Variants in MTM1 observed in about 807,000 individuals in gnomAD.
The protein encoded by MTM1 is myotubularin.
MTM1 carries 9 observed loss-of-function variants against 52.1 expected under a neutral mutation model. That is an observed-to-expected ratio of 0.17 (90% CI 0.10 to 0.30). MTM1 has a LOEUF of 0.30. MTM1 is among the 10% of genes least tolerant of loss of function. The pLI is 1.00. For synonymous variants in MTM1, 136 were observed against 163.8 expected (o/e 0.83, Z 1.29); for missense variants, 277 against 470.7 (o/e 0.59, Z 3.81).
chrX:150,638,868 G>T, intron 6 of MTM1, 75 bp from the exon 7 acceptor site: 1 of 793,209 alleles, frequency 1.3e-6, no homozygotes, highest in South Asian at 2.1e-5. Context: ...TTTATTTTGC[G>T]AGAAATCAAA....
chrX:150,672,719 C>T lies in MTM1; in HGVS notation c.*1124C>T, dbSNP rs782316625. On this transcript the variant is annotated 3_prime_UTR_variant, in exon 15 of 15. Coordinates refer to ENST00000370396, the MANE Select transcript of MTM1 (RefSeq NM_000252.3). The stretch of plus-strand genomic sequence containing the variant: ...AATTTTAAATGCACAGTTCTATTTG[C>T]TATCTGAACTAATTCATTTATTAAG... The T allele has an allele frequency of 8.9e-6, 1 of 112,087 alleles. No individual in the cohort carries two copies. Among genetic ancestry groups the T allele is most frequent in the South Asian group, 3.7e-4 (1 of 2,720 alleles). 9.2% of individuals were successfully genotyped at this position (112,087 alleles called of 1,213,427 possible). A position where few individuals can be genotyped will look rare whatever the true frequency, so the allele number is the denominator to read the frequency against.
In MTM1 at chrX:150,657,861, C is replaced by T. The variant is rs2040149346; in HGVS notation, c.1094C>T (p.Ser365Phe). ...TGAIQVADKV[S>F]SGKSSVLVHC... ...GCCATTCAAGTAGCAGACAAAGTTT[C>T]TTCAGGGAAGAGTTCAGTGCTTGTG... Residue 365 changes from serine to phenylalanine, a missense_variant, in exon 11 of 15, where the codon TCT (serine) becomes TTT (phenylalanine). Around this residue, in one of 4 missense-constraint regions of MTM1, gnomAD observed 3 missense variants for 27.4 expected, o/e 0.11. Transcript: ENST00000370396. The T allele has an allele frequency of 8.3e-7, 1 of 1,210,120 alleles. No individual in the cohort carries two copies. Among genetic ancestry groups the T allele is most frequent in the Admixed American group, 2.2e-5 (1 of 45,728 alleles).
At chrX:150,609,568 T>G (rs1372405776) in intron 4 of MTM1, among the ~76,000 whole-genome samples, 10 of 111,643 alleles carry the variant, frequency 9.0e-5, no homozygotes, top group Admixed American at 1.9e-4. Context: ...CTCCTGGGTA[T>G]CTGTACTTGG....
chrX:150,644,190 A>G (rs1223001646), intron 8 of MTM1, among the ~76,000 whole-genome samples: 1 of 111,940 alleles, frequency 8.9e-6, no homozygotes, highest in Non-Finnish European at 1.9e-5. Flanking sequence ...CTCAAATAAT[A>G]AATCTTTTAA....
chrX:150,634,568 G>T (rs1382775202), intron 6 of MTM1, among the ~76,000 whole-genome samples: 1 of 107,205 alleles, frequency 9.3e-6, no homozygotes, highest in African/African-American at 3.4e-5. Flanking sequence ...ATGTTACATT[G>T]TGCTATTTTT....
intron 1 of MTM1, among the ~76,000 whole-genome samples, chrX:150,571,643 A>G (rs782271910): frequency 5.3e-5 from 6 of 112,471 alleles, no homozygotes; most frequent in Non-Finnish European, 1.1e-4. Flanking sequence ...CTATGTCTTA[A>G]TAAACTTTTG....
chrX:150,638,911 G>A (rs781964106), intron 6 of MTM1, 32 bp from the exon 7 acceptor site: 9 of 1,037,624 alleles, frequency 8.7e-6, no homozygotes, highest in Non-Finnish European at 1.2e-5. Context: ...GTTCCTTCAC[G>A]CTGAACTTTA....
intron 6 of MTM1, among the ~76,000 whole-genome samples, chrX:150,622,341 C>A (rs2039496913): frequency 8.9e-6 from 1 of 111,809 alleles, no homozygotes; most frequent in Non-Finnish European, 1.9e-5. Flanking sequence ...AACAGATCAG[C>A]CCTTGACCCT....
chrX:150,672,897 G>T lies in MTM1; in HGVS notation c.*1302G>T, dbSNP rs781997983. On this transcript the variant is annotated 3_prime_UTR_variant, in exon 15 of 15. Transcript: ENST00000370396. ...ATTATTTTATGTCATAGTTTAATTGGTCTACCAAGTAAGACATCTCAAATA... is the reference window on the plus strand; with the variant it reads ...ATTATTTTATGTCATAGTTTAATTGTTCTACCAAGTAAGACATCTCAAATA... The T allele has an allele frequency of 4.8e-4, 54 of 111,938 alleles. No individual in the cohort carries two copies. The highest frequency in any genetic ancestry group is 2.9e-4 in the Admixed American group (3 of 10,525). 9.2% of individuals were successfully genotyped at this position (111,938 alleles called of 1,213,427 possible).
chrX:150,591,176 A>G (rs948367478), intron 1 of MTM1: 1 of 188,800 alleles, frequency 5.3e-6, no homozygotes. Context: ...AGCTCTTCTA[A>G]GTTGAGTATC....
chrX:150,671,629 TAAAG>T lies in MTM1; in HGVS notation c.*35_*38del. On this transcript the variant is annotated 3_prime_UTR_variant, in exon 15 of 15. Transcript: ENST00000370396. ...CCTGGCACCGCATTAGAGCTCGAAA[TAAAG>T]GCGATAGCTGACTTTCATTTGGGGC... 8.4e-7 allele frequency: 1 copy of T among 1,193,145 alleles called. No homozygotes were observed. The highest frequency in any genetic ancestry group is 1.1e-6 in the Non-Finnish European group (1 of 879,649).
intron 4 of MTM1, among the ~76,000 whole-genome samples, chrX:150,604,358 AG>A (rs782379744): frequency 1.4e-4 from 16 of 111,621 alleles, no homozygotes; most frequent in African/African-American, 4.9e-4. Flanking sequence ...GCTGACAGAT[AG>A]GCAAAGCAGA....
chrX:150,658,576 AAAAT>A (rs201993696), intron 11 of MTM1, among the ~76,000 whole-genome samples: 2,069 of 111,237 alleles, frequency 0.019, 59 homozygotes, highest in African/African-American at 0.064. Flanking sequence ...CTCTCAATTA[AAAAT>A]AAATAAAAAT....
intron 14 of MTM1, among the ~76,000 whole-genome samples, chrX:150,669,697 G>A (rs782249235): frequency 9.0e-6 from 1 of 111,678 alleles, no homozygotes; most frequent in Non-Finnish European, 1.9e-5. Flanking sequence ...CATATCCTTT[G>A]CCTACTTTCT....
At chrX:150,647,378 C>T (rs1018187901) in intron 9 of MTM1, among the ~76,000 whole-genome samples, 19 of 110,294 alleles carry the variant, frequency 1.7e-4, no homozygotes, top group Admixed American at 4.8e-4. Flanking sequence ...CTTTTTAACA[C>T]TCAGGAAACA....
chrX:150,612,160 C>T (rs1387270944), intron 4 of MTM1, among the ~76,000 whole-genome samples: 1 of 107,398 alleles, frequency 9.3e-6, no homozygotes, highest in African/African-American at 3.4e-5. Flanking sequence ...CACTGCACTT[C>T]AGCCTGGGTG....
chrX:150,666,135 C>T lies in MTM1; in HGVS notation c.1644+2526C>T, dbSNP rs782315004. Among the ~76,000 whole-genome samples, 3 of 112,479 alleles carry T rather than the reference C, an allele frequency of 2.7e-5. No individual in the cohort carries two copies. The East Asian group carries it at 8.4e-4, about 31-fold the overall frequency. Reference sequence around the variant, plus strand: ...CCATAATGAGCTGATTGCCTATCTTCTTTTCCATGCCAAGCTGAGACATAC... The same window carrying T: ...CCATAATGAGCTGATTGCCTATCTTTTTTTCCATGCCAAGCTGAGACATAC... On this transcript the variant is annotated intron_variant, in intron 14 of 14. Coordinates refer to ENST00000370396, the MANE Select transcript of MTM1 (RefSeq NM_000252.3).
At chrX:150,662,132 AC>A (rs1557414721) in intron 13 of MTM1, among the ~76,000 whole-genome samples, 1 of 111,561 alleles carries the variant, frequency 9.0e-6, no homozygotes, top group Non-Finnish European at 1.9e-5. Flanking sequence ...TTTTTTCATA[AC>A]CTTGTCAAAC....
intron 3 of MTM1, 61 bp from the exon 4 acceptor site, chrX:150,598,531 A>G: frequency 1.5e-6 from 1 of 682,321 alleles, no homozygotes; most frequent in Non-Finnish European, 2.4e-6. Flanking sequence ...AATTAGTGCC[A>G]TTTGTTGTGT....
Sources: gnomAD v4.1 joint callset for allele counts (sites outside exome capture counted in the v4.1 genomes callset) on GRCh38, gnomAD v4.1.1 for gene constraint, gnomAD v4.1.1 regional missense constraint, MANE v1.5 for transcripts, NCBI Gene and HGNC (gene_info 2026-07-23, HGNC 2026-07-21) for gene names.